Variants in WDHD1 observed in about 807,000 individuals in gnomAD.
The protein encoded by WDHD1 is WD repeat and HMG-box DNA binding protein 1.
A neutral mutation model predicts 135.4 loss-of-function variants in WDHD1; 111 were observed. That is an observed-to-expected ratio of 0.82 (90% confidence interval 0.70 to 0.96). The LOEUF is 0.96. Among genes scored for constraint, WDHD1 ranks in the 40% least tolerant of loss-of-function variants. The pLI, the probability that WDHD1 is intolerant of heterozygous loss-of-function variation, is 0.00. For missense variants in WDHD1, 1,351 were observed against 1,336.3 expected, an observed-to-expected ratio of 1.01 and a Z score of -0.17; for synonymous variants, 434 against 439.0, an observed-to-expected ratio of 0.99 and a Z score of 0.14.
chr14:54,992,198 A>G (rs1214699218), intron 11 of WDHD1, among the ~76,000 whole-genome samples: 1 of 139,992 alleles, frequency 7.1e-6, no homozygotes, highest in African/African-American at 3.1e-5. Context: ...ACTCCGTCTC[A>G]AAAAAAAAAG....
rs375849616 is a variant in WDHD1 at position 55,002,101 on chromosome 14, T to C, written c.685A>G (p.Ile229Val). The change falls in exon 8 of 26, where the codon ATC becomes GTC. Residue 229 changes from isoleucine (I) to valine (V), a missense_variant. Coordinates refer to ENST00000360586, the MANE Select transcript of WDHD1 (RefSeq NM_007086.4). The stretch of plus-strand genomic sequence containing the variant: ...CACTTTGTAAAACCTACCTGAGAGA[T>C]GAAATTATCTGAAAGATCAAATTGA... ...SHQFDLSDNF[I>V]SQTLNIVTWS... is the part of the protein sequence containing the mutation. 9.4e-6 allele frequency: 15 copies of C among 1,604,028 alleles called. No homozygotes were observed. Among genetic ancestry groups the C allele is most frequent in the Non-Finnish European group, 1.3e-5 (15 of 1,176,230 alleles).
At position 55,005,509 on chromosome 14, in the gene WDHD1, CAGG is replaced by C. The variant is rs1025560860; in HGVS notation, c.600+1768_600+1770del. The C allele has an allele frequency of 5.5e-5, 31 of 567,608 alleles. No homozygotes were observed. The African/African-American group carries it at 5.8e-4, about 11-fold the overall frequency. The allele number at this position is 567,608 out of a possible 1,614,324, so 35.2% of individuals were successfully genotyped here. A position where few individuals can be genotyped will look rare whatever the true frequency, so the allele number is the denominator to read the frequency against. ...CAACAGCAACAATGGCACAAGCTCCCAGGAGAAGCTTCTCCCAGGTCCTCTTCA... is the reference window on the plus strand; with the variant it reads ...CAACAGCAACAATGGCACAAGCTCCCAGAAGCTTCTCCCAGGTCCTCTTCA... On this transcript the variant is annotated intron_variant, in intron 7 of 25. Transcript: ENST00000360586.
At chr14:54,991,111 A>C in intron 12 of WDHD1, 102 bp downstream of exon 12, 2 of 619,416 alleles carry the variant, frequency 3.2e-6, no homozygotes, top group Non-Finnish European at 5.6e-6. Context: ...CAGGCTACTT[A>C]ATCAAAGTTT....
intron 18 of WDHD1, among the ~76,000 whole-genome samples, chr14:54,964,821 G>A (rs2041315972): frequency 6.6e-6 from 1 of 152,100 alleles, no homozygotes; most frequent in African/African-American, 2.4e-5. Flanking sequence ...TTTTTGATAT[G>A]AGAAACACTG....
At position 54,984,755 on chromosome 14, in the gene WDHD1, G is replaced by A; in HGVS notation, c.1874C>T (p.Ser625Phe). The stretch of plus-strand genomic sequence containing the variant: ...TGAAAACCCAATCCATGCAAGGTAG[G>A]ATTTCCTTGTAAGAGGAAGAGGGTC... The part of the protein sequence containing the change: ...HGDPLPLTRK[S>F]YLAWIGFSAE... The change falls in exon 15 of 26, where the codon TCC becomes TTC. Residue 625 changes from serine (S) to phenylalanine (F), a missense_variant. By Grantham distance (155) the Ser-to-Phe change is radical. Coordinates refer to ENST00000360586, the MANE Select transcript of WDHD1 (RefSeq NM_007086.4). 6.2e-7 allele frequency: 1 copy of A among 1,613,224 alleles called. No individual in the cohort carries two copies. The highest frequency in any genetic ancestry group is 1.1e-5 in the South Asian group (1 of 90,914).
At position 54,962,525 on chromosome 14, in the gene WDHD1, T is replaced by C. The variant is rs748145516; in HGVS notation, c.2674A>G (p.Asn892Asp). The change falls in exon 21 of 26, where the codon AAT becomes GAT. Residue 892 changes from asparagine to aspartate, a missense_variant. Physicochemically the swap from Asn to Asp is conservative, Grantham distance 23. This residue lies in a region of WDHD1 where 1,330 missense variants were observed against 1,296.1 expected (regional missense o/e 1.03). Coordinates refer to ENST00000360586, the MANE Select transcript of WDHD1 (RefSeq NM_007086.4). ...PGQNSFSKST[N>D]SSDVSAKSGA... ...GACTTAGCTGAAACATCAGAGGAAT[T>C]TGTACTTTTGGAAAACGAGTTCTGT... The C allele has an allele frequency of 6.2e-6, 10 of 1,610,178 alleles. No individual in the cohort carries two copies. Among genetic ancestry groups the C allele is most frequent in the African/African-American group, 1.3e-5 (1 of 74,880 alleles).
chr14:54,963,179 C>CA lies in WDHD1; in HGVS notation c.2311-8dup. The CA allele has an allele frequency of 2.5e-6, 2 of 803,074 alleles. No homozygotes were observed. The highest frequency in any genetic ancestry group is 3.2e-6 in the Non-Finnish European group (2 of 620,990). The allele number at this position is 803,074 out of a possible 1,614,324, so 49.7% of individuals were successfully genotyped here. On this transcript the variant is annotated splice_region_variant and splice_polypyrimidine_tract_variant and intron_variant, in intron 18 of 25. Coordinates refer to ENST00000360586, the MANE Select transcript of WDHD1 (RefSeq NM_007086.4). ...GCTCCAGTTTACAAGAAAGCTAATC[C>CA]AAAAAGGGGGGGGGGGGGGAGATCA...
Position 54,939,134 on chromosome 14 carries a change from T to A in WDHD1, c.*2356A>T, listed in dbSNP as rs574814456. On this transcript the variant is annotated 3_prime_UTR_variant, in exon 26 of 26. Coordinates refer to ENST00000360586, the MANE Select transcript of WDHD1 (RefSeq NM_007086.4). ...TGTCAAATTTCAAATTTTCTGTAGG[T>A]TTGAGAGATTCAAGATGAAAACTTG... 1.3e-5 allele frequency: 2 copies of A among 152,232 alleles called. No homozygotes were observed. Among genetic ancestry groups the A allele is most frequent in the African/African-American group, 4.8e-5 (2 of 41,518 alleles). The allele number at this position is 152,232 out of a possible 1,614,324, so 9.4% of individuals were successfully genotyped here. A position where few individuals can be genotyped will look rare whatever the true frequency, so the allele number is the denominator to read the frequency against.
At position 54,989,072 on chromosome 14, in the gene WDHD1, G is replaced by T; in HGVS notation, c.1482C>A (p.His494Gln). 6.2e-7 allele frequency: 1 copy of T among 1,613,132 alleles called. No homozygotes were observed. Among genetic ancestry groups the T allele is most frequent in the Non-Finnish European group, 8.5e-7 (1 of 1,179,498 alleles). The change falls in exon 13 of 26, where the codon CAC becomes CAA. Residue 494 changes from histidine to glutamine, a missense_variant. By Grantham distance (24) the His-to-Gln change is conservative (BLOSUM62 0). Transcript: ENST00000360586. ...TTTCACATGCCAACAAAATAGCTTC[G>T]TGGGAAAGATCTGCTATTGTATAAT... ...TLNYTIADLS[H>Q]EAILLACEST...
At chr14:54,993,320 A>G (rs1880149203) in intron 11 of WDHD1, among the ~76,000 whole-genome samples, 1 of 151,980 alleles carries the variant, frequency 6.6e-6, no homozygotes, top group South Asian at 2.1e-4. Flanking sequence ...AGGTCTCACT[A>G]TGTTGCCCTG....
At chr14:55,022,918 G>A (rs1027102166) in intron 2 of WDHD1, among the ~76,000 whole-genome samples, 1 of 148,874 alleles carries the variant, frequency 6.7e-6, no homozygotes, top group African/African-American at 2.5e-5. Flanking sequence ...TCCACCTCCC[G>A]GGTTCAAGTG....
chr14:55,008,086 T>C (rs1373197329), intron 6 of WDHD1, among the ~76,000 whole-genome samples: 1 of 152,200 alleles, frequency 6.6e-6, no homozygotes, highest in Non-Finnish European at 1.5e-5. Context: ...CTTAAAAAGT[T>C]AAATATAAGA....
intron 15 of WDHD1, among the ~76,000 whole-genome samples, chr14:54,982,565 A>T (rs956749602): frequency 6.6e-6 from 1 of 152,138 alleles, no homozygotes; most frequent in African/African-American, 2.4e-5. Flanking sequence ...CAACTCAGGA[A>T]ATCTGTGGCA....
chr14:54,941,809 TG>T, intron 25 of WDHD1, 119 bp from the exon 26 acceptor site: 3 of 830,972 alleles, frequency 3.6e-6, no homozygotes, highest in Non-Finnish European at 5.5e-6. Context: ...AATTAGCACT[TG>T]AATTAAGTGT....
chr14:55,023,267 G>T (rs1197930960), intron 2 of WDHD1, among the ~76,000 whole-genome samples: 2 of 152,146 alleles, frequency 1.3e-5, no homozygotes, highest in Non-Finnish European at 2.9e-5. Context: ...AGAGTCTATA[G>T]CTATGCCTTT....
At chr14:55,003,560 T>C (rs921876108) in intron 7 of WDHD1, among the ~76,000 whole-genome samples, 2 of 146,338 alleles carry the variant, frequency 1.4e-5, no homozygotes, top group Non-Finnish European at 3.0e-5. Flanking sequence ...ATTGTGTATA[T>C]ATGTATAAAA....
At chr14:55,002,049 CT>C in intron 8 of WDHD1, 43 bp downstream of exon 8, 1 of 1,383,298 alleles carries the variant, frequency 7.2e-7, no homozygotes, top group Non-Finnish European at 1.0e-6. Context: ...TACGCATTAA[CT>C]GCTCCTTATA....
intron 21 of WDHD1, among the ~76,000 whole-genome samples, chr14:54,960,114 C>G (rs1035441487): frequency 6.6e-6 from 1 of 152,202 alleles, no homozygotes; most frequent in Non-Finnish European, 1.5e-5. Context: ...ATCACCATCA[C>G]CACCCTAGCT....
intron 2 of WDHD1, among the ~76,000 whole-genome samples, chr14:55,014,288 C>G (rs2042224561): frequency 6.6e-6 from 1 of 152,092 alleles, no homozygotes; most frequent in Non-Finnish European, 1.5e-5. Flanking sequence ...CAGGGTGTCC[C>G]TACGTTGCCC....
Sources: allele counts gnomAD v4.1 joint callset (sites outside exome capture counted in the v4.1 genomes callset), GRCh38; gene constraint gnomAD v4.1.1; regional missense constraint gnomAD v4.1.1; transcripts MANE v1.5; gene names NCBI Gene and HGNC (gene_info 2026-07-23, HGNC 2026-07-21).